The following TRIO variants were observed in gnomAD, a reference collection of about 807,000 sequenced individuals.
The protein encoded by TRIO is triple functional domain protein.
Under a neutral mutation model 351.9 loss-of-function variants are expected in TRIO, and 58 were observed. The observed-to-expected ratio is 0.16, with a 90% CI of 0.13 to 0.21. TRIO has a LOEUF of 0.21. TRIO is among the 10% of genes least tolerant of loss of function. The probability of loss-of-function intolerance (pLI) is 1.00; values close to 1 mark genes in which losing one functional copy is unlikely to be tolerated. For synonymous variants in TRIO, 1,758 were observed against 1,595.7 expected (o/e 1.10, Z -2.42); for missense variants, 3,201 against 4,027.8 (o/e 0.79, Z 5.56).
intron 34 of TRIO, among the ~76,000 whole-genome samples, chr5:14,442,401 A>G (rs1752127131): frequency 6.6e-6 from 1 of 152,146 alleles, no homozygotes; most frequent in African/African-American, 2.4e-5. Flanking sequence ...TGTCGGATCA[A>G]AAGGGGGGCA....
chr5:14,166,765 T>A (rs1289808569), intron 1 of TRIO, among the ~76,000 whole-genome samples: 4 of 152,088 alleles, frequency 2.6e-5, no homozygotes, highest in Non-Finnish European at 5.9e-5. Context: ...GGCCATTTTA[T>A]GGTGTAATGT....
chr5:14,319,616 G>C (rs1040504914), intron 9 of TRIO, among the ~76,000 whole-genome samples: 1 of 152,186 alleles, frequency 6.6e-6, no homozygotes, highest in African/African-American at 2.4e-5. Context: ...GTTTTCATTT[G>C]ATTGTTTTGA....
At chr5:14,278,793 A>C (rs1387259413) in intron 2 of TRIO, among the ~76,000 whole-genome samples, 7 of 152,234 alleles carry the variant, frequency 4.6e-5, no homozygotes, top group African/African-American at 1.7e-4. Flanking sequence ...CATGTTTAAT[A>C]GTACTTTTCA....
chr5:14,237,520 G>A (rs138055642), intron 1 of TRIO, among the ~76,000 whole-genome samples: 18 of 152,318 alleles, frequency 1.2e-4, no homozygotes, highest in African/African-American at 4.3e-4. Flanking sequence ...TGGCATGTGT[G>A]TCTGCTTGCT....
chr5:14,416,597 G>C (rs548541834), intron 33 of TRIO, among the ~76,000 whole-genome samples: 4 of 152,172 alleles, frequency 2.6e-5, no homozygotes, highest in Non-Finnish European at 5.9e-5. Context: ...TTCTTTGGCA[G>C]AACATCCTTG....
chr5:14,508,309 C>T lies in TRIO; in HGVS notation c.9181C>T (p.Leu3061Phe). 1 of 1,613,976 alleles carries T rather than the reference C, an allele frequency of 6.2e-7. No individual in the cohort carries two copies. Among genetic ancestry groups the T allele is most frequent in the Non-Finnish European group, 8.5e-7 (1 of 1,180,052 alleles). ...QAGNGRSTGV[L>F]DTSRLTSFIE... Reference sequence around the variant, plus strand: ...CGGCAACGGCAGAAGCACGGGCGTCCTCGACACGTCCAGACTGACTTCCTT... The same window carrying T: ...CGGCAACGGCAGAAGCACGGGCGTCTTCGACACGTCCAGACTGACTTCCTT... Residue 3061 changes from leucine (L) to phenylalanine (F), a missense_variant, in exon 57 of 57, where the codon CTC becomes TTC. Around this residue, in one of 19 missense-constraint regions of TRIO, gnomAD observed 233 missense variants for 292.6 expected, o/e 0.80. Coordinates refer to ENST00000344204, the MANE Select transcript of TRIO (RefSeq NM_007118.4).
At position 14,143,720 on chromosome 5, in the gene TRIO, G is replaced by A. The variant is rs1436700657; in HGVS notation, c.-6G>A. ...GGCGGGCGCGGCCGCGGGCGCCGCC[G>A]CAGCCATGAGCGGCAGCAGCGGCGG... is the stretch of plus-strand genomic sequence containing the variant. On this transcript the variant is annotated 5_prime_UTR_variant, in exon 1 of 57. Coordinates refer to ENST00000344204, the MANE Select transcript of TRIO (RefSeq NM_007118.4). 5 of 977,162 alleles carry A rather than the reference G, an allele frequency of 5.1e-6. No individual in the cohort carries two copies. Among genetic ancestry groups the A allele is most frequent in the African/African-American group, 3.6e-5 (2 of 56,328 alleles). 60.5% of individuals were successfully genotyped at this position (977,162 alleles called of 1,614,324 possible).
At position 14,497,331 on chromosome 5, in the gene TRIO, A is replaced by G. The variant is rs1330866431; in HGVS notation, c.8019+314A>G. Among the ~76,000 whole-genome samples, 1 of 152,220 alleles carries G rather than the reference A, an allele frequency of 6.6e-6. No individual in the cohort carries two copies. Among genetic ancestry groups the G allele is most frequent in the African/African-American group, 2.4e-5 (1 of 41,458 alleles). ...TCTCAGAAGCAGCGAAGGTGCAGAG[A>G]AGCTATGGCTCAGGCTTCCTTCAGT... On this transcript the variant is annotated intron_variant, in intron 50 of 56. Coordinates refer to ENST00000344204, the MANE Select transcript of TRIO (RefSeq NM_007118.4). The surrounding 1 kb of genome is among the most constrained non-coding windows in gnomAD (Gnocchi z 4.4).
chr5:14,400,683 GATTTTCAC>G (rs1178857589), intron 30 of TRIO, among the ~76,000 whole-genome samples: 2 of 152,144 alleles, frequency 1.3e-5, no homozygotes, highest in Non-Finnish European at 2.9e-5. Context: ...CAGATAGTAG[GATTTTCAC>G]ATGTTGGTTT....
At chr5:14,234,987 C>G (rs1202744521) in intron 1 of TRIO, among the ~76,000 whole-genome samples, 2 of 152,024 alleles carry the variant, frequency 1.3e-5, no homozygotes, top group South Asian at 2.1e-4. Context: ...AACAGGTGTT[C>G]TACTTTGCCC....
At chr5:14,474,966 C>T (rs540043683) in intron 40 of TRIO, among the ~76,000 whole-genome samples, 61 of 152,248 alleles carry the variant, frequency 4.0e-4, no homozygotes, top group African/African-American at 1.4e-3. Context: ...TGAGCCACCA[C>T]GCCTGGCCCA....
intron 3 of TRIO, among the ~76,000 whole-genome samples, chr5:14,284,649 G>GT (rs2152279953): frequency 6.6e-6 from 1 of 152,250 alleles, no homozygotes; most frequent in African/African-American, 2.4e-5. Context: ...CTTCTTTCAA[G>GT]TAGAGGGGCT....
Position 14,369,229 on chromosome 5 carries a change from C to T in TRIO, c.3067-145C>T, listed in dbSNP as rs544888531. ...TTTGACCCTGTAGTTGTTCTCCAGC[C>T]AGGTGGAGCCCATGGCTCCTTCTTA... On this transcript the variant is annotated intron_variant, in intron 17 of 56. Transcript: ENST00000344204. The T allele has an allele frequency of 1.7e-4, 204 of 1,188,838 alleles. 1 individual carries two copies. The African/African-American group carries it at 2.7e-3, about 16-fold the overall frequency. The allele number at this position is 1,188,838 out of a possible 1,614,324, so 73.6% of individuals were successfully genotyped here.
At chr5:14,345,010 A>G (rs886496184) in intron 11 of TRIO, among the ~76,000 whole-genome samples, 2 of 152,320 alleles carry the variant, frequency 1.3e-5, no homozygotes, top group African/African-American at 4.8e-5. Context: ...CCAAATAAAC[A>G]TGTATAAAGC....
At chr5:14,490,770 A>T (rs1203321969) in intron 48 of TRIO, 3 of 455,666 alleles carry the variant, frequency 6.6e-6, no homozygotes, top group Non-Finnish European at 1.3e-5. Flanking sequence ...AAAATACTCT[A>T]ATTATGAGAT....
At position 14,447,392 on chromosome 5, in the gene TRIO, T is replaced by C. The variant is rs566621894; in HGVS notation, c.5204-13627T>C. Among the ~76,000 whole-genome samples, 237 of 152,360 alleles carry C rather than the reference T, an allele frequency of 1.6e-3. 4 individuals are homozygous for C. Among genetic ancestry groups the C allele is most frequent in the African/African-American group, 5.5e-3 (228 of 41,576 alleles). ...ATGGTTTATAGTAAATTTTCTTGAA[T>C]GTAGGTAAAAGATGTTTCCATGCTA... On this transcript the variant is annotated intron_variant, in intron 34 of 56. Coordinates refer to ENST00000344204, the MANE Select transcript of TRIO (RefSeq NM_007118.4).
chr5:14,176,349 A>T (rs1256777624), intron 1 of TRIO, among the ~76,000 whole-genome samples: 1 of 152,164 alleles, frequency 6.6e-6, no homozygotes, highest in South Asian at 2.1e-4. Flanking sequence ...GGGCGCCTGT[A>T]GTCCCAGCTA....
At position 14,496,812 on chromosome 5, in the gene TRIO, C is replaced by T. The variant is rs968979227; in HGVS notation, c.7881-67C>T. 10 of 1,575,304 alleles carry T rather than the reference C, an allele frequency of 6.3e-6. No individual in the cohort carries two copies. In the South Asian group the frequency reaches 7.1e-5, roughly 11 times the overall value. On this transcript the variant is annotated intron_variant, in intron 49 of 56. Coordinates refer to ENST00000344204, the MANE Select transcript of TRIO (RefSeq NM_007118.4). ...CGTTGAATATTCAGCTTTTCTTTAACGCTTCCAGGCAGCACTTGGTGAATG... is the reference window on the plus strand; with the variant it reads ...CGTTGAATATTCAGCTTTTCTTTAATGCTTCCAGGCAGCACTTGGTGAATG...
At chr5:14,420,145 T>C (rs1749996680) in intron 34 of TRIO, 124 bp downstream of exon 34, 1 of 1,426,234 alleles carries the variant, frequency 7.0e-7, no homozygotes, top group Non-Finnish European at 9.5e-7. Flanking sequence ...CTTCAGCACA[T>C]GGTCACTGAC....
Sources: allele counts gnomAD v4.1 joint callset (sites outside exome capture counted in the v4.1 genomes callset), GRCh38; gene constraint gnomAD v4.1.1; regional missense constraint gnomAD v4.1.1; non-coding constraint Gnocchi (gnomAD v3.1); transcripts MANE v1.5; gene names NCBI Gene and HGNC (gene_info 2026-07-23, HGNC 2026-07-21).